CCDC14: variants seen among roughly 807,000 people sequenced by gnomAD.
CCDC14 encodes the protein coiled-coil domain containing 14.
Under a neutral mutation model 81.4 loss-of-function variants are expected in CCDC14, and 71 were observed. The observed-to-expected ratio is 0.87, with a 90% CI of 0.72 to 1.06. CCDC14 has a LOEUF of 1.06. Ranked by LOEUF, CCDC14 falls within the 50% of genes least tolerant of loss-of-function variation. CCDC14 has a pLI of 0.00. For synonymous variants in CCDC14, 332 were observed against 364.8 expected (o/e 0.91, Z 1.03); for missense variants, 1,046 against 1,047.3 (o/e 1.00, Z 0.02).
At chr3:123,890,764 G>A in the CCDC14 span, among the ~76,000 whole-genome samples, 1 of 152,142 alleles carries the variant, frequency 6.6e-6, no homozygotes, top group African/African-American at 2.4e-5. Context: ...GCTGTCAGTG[G>A]ATCTACCATT....
intron 12 of CCDC14, among the ~76,000 whole-genome samples, chr3:123,926,278 T>C (rs764652315): frequency 8.6e-5 from 13 of 152,022 alleles, no homozygotes; most frequent in East Asian, 1.9e-4. Context: ...CTGTAAGAAA[T>C]ATGAAAACGT....
At position 123,947,245 on chromosome 3, in the gene CCDC14, T is replaced by C. The variant is rs754107997; in HGVS notation, c.759A>G (p.Leu253=). ...CAGGACTGGTATTAAATGAATTCCG[T>C]AGAACATCAGTACAGGTTGCAGAAA... ...KTVSATCTDV[L]RNSFNTSPGV... is the part of the protein sequence containing the mutation. The change falls in exon 8 of 13, where the codon CTA becomes CTG. Residue 253 remains leucine (L), a synonymous_variant. Transcript: ENST00000409697. 18 of 1,613,760 alleles carry C rather than the reference T, an allele frequency of 1.1e-5. No homozygotes were observed. The highest frequency in any genetic ancestry group is 5.0e-5 in the Admixed American group (3 of 59,974).
At chr3:123,898,884 G>GGT (rs375337437) in intron 5 of CCDC14, among the ~76,000 whole-genome samples, 7 of 139,598 alleles carry the variant, frequency 5.0e-5, no homozygotes, top group East Asian at 2.1e-4. Context: ...TTGTTTGGTT[G>GGT]TTTTTTTTTT....
In CCDC14 at chr3:123,956,485, G is replaced by C. The variant is rs1436791166; in HGVS notation, c.87-58C>G. On this transcript the variant is annotated intron_variant, in intron 2 of 12. Transcript: ENST00000409697. ...TATTTTTCCCAAAATATATTAGTAA[G>C]TAGTCATTTTCTTTCCAGCAAAGAC... 11 of 1,219,070 alleles carry C rather than the reference G, an allele frequency of 9.0e-6. No homozygotes were observed. The Admixed American group carries it at 2.5e-4, about 28-fold the overall frequency. The allele number at this position is 1,219,070 out of a possible 1,614,324, so 75.5% of individuals were successfully genotyped here.
downstream of CCDC14, among the ~76,000 whole-genome samples, chr3:123,909,971 A>G (rs1920218): frequency 0.28 from 42,434 of 152,082 alleles, 11,441 homozygotes; most frequent in East Asian, 0.84. Context: ...CCACATGATA[A>G]TTTTCATATT....
intron 9 of CCDC14, among the ~76,000 whole-genome samples, chr3:123,934,291 A>AAAC (rs2035935143): frequency 6.8e-6 from 1 of 146,122 alleles, no homozygotes; most frequent in African/African-American, 2.6e-5. Flanking sequence ...AAAAAAAAAA[A>AAAC]AAAACCCTCA....
At chr3:123,923,503 C>T (rs1411630410) in intron 12 of CCDC14, among the ~76,000 whole-genome samples, 2 of 152,006 alleles carry the variant, frequency 1.3e-5, no homozygotes, top group South Asian at 2.1e-4. Flanking sequence ...TTTGCTGACA[C>T]GATTTTATAC....
intron 12 of CCDC14, among the ~76,000 whole-genome samples, chr3:123,917,960 G>C (rs2034810405): frequency 6.6e-6 from 1 of 151,994 alleles, no homozygotes; most frequent in Non-Finnish European, 1.5e-5. Flanking sequence ...AAAGTGAACT[G>C]GTTCAGGTAA....
intron 12 of CCDC14, among the ~76,000 whole-genome samples, chr3:123,915,996 C>CTTTTT (rs55792519): frequency 7.2e-6 from 1 of 139,444 alleles, no homozygotes. Flanking sequence ...ATGTTTTACT[C>CTTTTT]TTTTTTTTTT....
intron 1 of CCDC14, among the ~76,000 whole-genome samples, chr3:123,960,155 G>A (rs182796098): frequency 1.5e-3 from 225 of 152,194 alleles, no homozygotes; most frequent in Non-Finnish European, 2.5e-3. Flanking sequence ...ACTTCTACGA[G>A]GTTATTATCA....
chr3:123,959,750 G>A (rs1368121970), intron 1 of CCDC14, among the ~76,000 whole-genome samples: 1 of 129,174 alleles, frequency 7.7e-6, no homozygotes, highest in African/African-American at 3.3e-5. Context: ...GGTACTAGAT[G>A]TGTTCTTTGC....
intron 5 of CCDC14, among the ~76,000 whole-genome samples, chr3:123,950,333 CA>C (rs2036931777): frequency 6.6e-6 from 1 of 152,224 alleles, no homozygotes; most frequent in East Asian, 1.9e-4. Context: ...AAGACATGTG[CA>C]AGAATGTTCA....
the CCDC14 span, among the ~76,000 whole-genome samples, chr3:123,889,750 C>T: frequency 6.6e-6 from 1 of 152,286 alleles, no homozygotes; most frequent in African/African-American, 2.4e-5. Context: ...TAGGCAGTGC[C>T]ACAGTGGGGA....
intron 5 of CCDC14, among the ~76,000 whole-genome samples, chr3:123,897,873 G>A (rs1370718555): frequency 6.6e-6 from 1 of 152,170 alleles, no homozygotes; most frequent in Non-Finnish European, 1.5e-5. Flanking sequence ...CAGACAGAAT[G>A]AGCACATGCA....
At chr3:123,894,651 A>T (rs900421795), downstream of CCDC14, among the ~76,000 whole-genome samples, 5 of 152,132 alleles carry the variant, frequency 3.3e-5, no homozygotes, top group African/African-American at 1.2e-4. Flanking sequence ...TCACTGTACA[A>T]GTCTTTCACC....
chr3:123,901,276 G>T (rs1018160579), intron 5 of CCDC14, among the ~76,000 whole-genome samples: 4 of 151,730 alleles, frequency 2.6e-5, no homozygotes, highest in African/African-American at 9.7e-5. Context: ...AGTACACAGG[G>T]GGGCTTATTA....
chr3:123,903,295 C>T (rs1438211884), intron 5 of CCDC14, among the ~76,000 whole-genome samples: 1 of 107,472 alleles, frequency 9.3e-6, no homozygotes, highest in African/African-American at 3.9e-5. Context: ...TATTATTTTT[C>T]AAACACACAC....
In CCDC14 at chr3:123,959,690, AAGAAGCCATGACTCCTT is replaced by A. The variant is rs1468089119; in HGVS notation, c.30+1437_30+1453del. Among the ~76,000 whole-genome samples the A allele has an allele frequency of 2.0e-5, 3 of 152,158 alleles. No individual in the cohort carries two copies. The South Asian group carries it at 6.2e-4, about 32-fold the overall frequency. On this transcript the variant is annotated intron_variant, in intron 1 of 12. Transcript: ENST00000409697. ...CAGCCCTGGAGTTGGTCATTTCTCC[AAGAAGCCATGACTCCTT>A]AGTGGACAGTGGTACGTGGAAACCA...
chr3:123,956,332 G>A (rs2037324755), intron 3 of CCDC14, 23 bp downstream of exon 3: 1 of 1,482,974 alleles, frequency 6.7e-7, no homozygotes, highest in Middle Eastern at 1.7e-4. Context: ...AAAATAGTGT[G>A]TATTGTATCT....
Sources: allele counts gnomAD v4.1 joint callset (sites outside exome capture counted in the v4.1 genomes callset), GRCh38; gene constraint gnomAD v4.1.1; transcripts MANE v1.5; gene names NCBI Gene and HGNC (gene_info 2026-07-23, HGNC 2026-07-21).